The following SGPP1 variants were observed in gnomAD, a reference collection of about 807,000 sequenced individuals.
SGPP1 encodes hSPP1.
In SGPP1, 21 loss-of-function variants were observed where a neutral mutation model predicts 33.0. That is an observed-to-expected ratio of 0.64 (90% CI 0.45 to 0.92). SGPP1 has a LOEUF of 0.92. Ranked by LOEUF, SGPP1 falls within the 40% of genes least tolerant of loss-of-function variation. The probability of loss-of-function intolerance (pLI) is 0.00; values close to 1 mark genes in which losing one functional copy is unlikely to be tolerated. For missense variants in SGPP1, 543 were observed against 589.4 expected, an observed-to-expected ratio of 0.92 and a Z score of 0.81; for synonymous variants, 239 against 241.2, an observed-to-expected ratio of 0.99 and a Z score of 0.08.
At chr14:63,723,521 C>A (rs1885817781) in intron 1 of SGPP1, among the ~76,000 whole-genome samples, 2 of 151,996 alleles carry the variant, frequency 1.3e-5, no homozygotes, top group Non-Finnish European at 2.9e-5. Flanking sequence ...GAGATCGAGA[C>A]CATCCTGGCC....
chr14:63,692,942 AT>A (rs1371785396), intron 2 of SGPP1, among the ~76,000 whole-genome samples: 1 of 152,006 alleles, frequency 6.6e-6, no homozygotes, highest in Non-Finnish European at 1.5e-5. Flanking sequence ...TATTCTTCAT[AT>A]TTCTTTTTTT....
chr14:63,703,904 T>C (rs530737764), intron 1 of SGPP1, among the ~76,000 whole-genome samples: 1 of 144,036 alleles, frequency 6.9e-6, no homozygotes, highest in African/African-American at 2.6e-5. Context: ...TAGTTCACCA[T>C]AGCCTCCAAC....
At chr14:63,705,390 T>C (rs1485670587) in intron 1 of SGPP1, among the ~76,000 whole-genome samples, 1 of 150,938 alleles carries the variant, frequency 6.6e-6, no homozygotes, top group Non-Finnish European at 1.5e-5. Context: ...TATGCTCGCC[T>C]GGCATGGTGG....
At chr14:63,701,540 AG>A (rs1325461913) in intron 1 of SGPP1, among the ~76,000 whole-genome samples, 1 of 152,102 alleles carries the variant, frequency 6.6e-6, no homozygotes, top group African/African-American at 2.4e-5. Flanking sequence ...AGCATATACT[AG>A]GCAGGCGAAT....
intron 2 of SGPP1, among the ~76,000 whole-genome samples, chr14:63,696,889 G>A (rs1885197751): frequency 6.6e-6 from 1 of 152,074 alleles, no homozygotes; most frequent in Non-Finnish European, 1.5e-5. Flanking sequence ...AGGAGGTTGA[G>A]GCACAAGAAT....
rs1028498883 is a variant in SGPP1, at chr14:63,686,210, C to T, written c.1221G>A (p.Gln407=). ...GATAAGGAAGTTCAACTTCCATGTG[C>T]TGTCTTGCTTTTCGAATATCATCAC... is the stretch of plus-strand genomic sequence containing the variant. ...IPCDDIRKAR[Q]HMEVELPYRY... The change falls in exon 3 of 3, where the codon CAG becomes CAA. Residue 407 remains glutamine (Q), a synonymous_variant. Transcript: ENST00000247225. The T allele has an allele frequency of 1.9e-6, 3 of 1,613,990 alleles. No individual in the cohort carries two copies. The highest frequency in any genetic ancestry group is 8.5e-7 in the Non-Finnish European group (1 of 1,179,908).
intron 2 of SGPP1, among the ~76,000 whole-genome samples, chr14:63,689,797 A>C (rs1885056598): frequency 7.2e-6 from 1 of 139,568 alleles, no homozygotes; most frequent in South Asian, 2.2e-4. Flanking sequence ...ACTCTGTCTC[A>C]AAAAAAAAAA....
At chr14:63,727,114 G>A (rs1885897804) in intron 1 of SGPP1, 147 bp downstream of exon 1, 3 of 1,337,840 alleles carry the variant, frequency 2.2e-6, no homozygotes, top group Admixed American at 6.4e-5. Flanking sequence ...TCAAAACCCA[G>A]AAAGGGCCTG....
At chr14:63,693,286 T>C (rs186153899) in intron 2 of SGPP1, among the ~76,000 whole-genome samples, 1 of 152,374 alleles carries the variant, frequency 6.6e-6, no homozygotes. Context: ...CTTATGAGGT[T>C]ACATTCCCTT....
In SGPP1 at chr14:63,686,632, T is replaced by C. The variant is rs1411433057; in HGVS notation, c.799A>G (p.Thr267Ala). 9 of 1,609,364 alleles carry C rather than the reference T, an allele frequency of 5.6e-6. No individual in the cohort carries two copies. The highest frequency in any genetic ancestry group is 1.7e-4 in the Middle Eastern group (1 of 6,056). Residue 267 changes from threonine to alanine, a missense_variant, in exon 3 of 3, where the codon ACC becomes GCC. By Grantham distance (58) the Thr-to-Ala change is moderately conservative (BLOSUM62 0). Coordinates refer to ENST00000247225, the MANE Select transcript of SGPP1 (RefSeq NM_030791.4). ...TAGAAGACAGCTAAGATTAAAATGG[T>C]ATATAGGAATCCAGCAATAATATCC... ...ILDIIAGFLY[T>A]ILILAVFYPF...
intron 1 of SGPP1, among the ~76,000 whole-genome samples, chr14:63,703,611 C>A (rs1256866592): frequency 6.8e-6 from 1 of 147,868 alleles, no homozygotes; most frequent in Admixed American, 6.8e-5. Flanking sequence ...TGAGATTGCA[C>A]CCCGGCACTC....
intron 1 of SGPP1, among the ~76,000 whole-genome samples, chr14:63,703,826 C>T (rs559925794): frequency 3.9e-3 from 261 of 67,682 alleles, no homozygotes; most frequent in Non-Finnish European, 5.9e-3. Context: ...TTTTTTTTGG[C>T]GGCAGGTGGG....
At chr14:63,713,177 C>T (rs1267293698) in intron 1 of SGPP1, among the ~76,000 whole-genome samples, 2 of 152,154 alleles carry the variant, frequency 1.3e-5, no homozygotes, top group South Asian at 2.1e-4. Context: ...ACTTCAAACT[C>T]GAAATACCTA....
At chr14:63,702,979 A>G (rs1436422274) in intron 1 of SGPP1, among the ~76,000 whole-genome samples, 1 of 152,190 alleles carries the variant, frequency 6.6e-6, no homozygotes, top group African/African-American at 2.4e-5. Flanking sequence ...AACAGTATAT[A>G]TAGCGTTGAC....
At chr14:63,709,850 C>T (rs1885487767) in intron 1 of SGPP1, among the ~76,000 whole-genome samples, 1 of 151,938 alleles carries the variant, frequency 6.6e-6, no homozygotes, top group Non-Finnish European at 1.5e-5. Flanking sequence ...CTAAACGTTT[C>T]CCTCAATTAT....
At chr14:63,699,284 A>G (rs752652668) in intron 1 of SGPP1, among the ~76,000 whole-genome samples, 2 of 152,224 alleles carry the variant, frequency 1.3e-5, no homozygotes, top group Non-Finnish European at 2.9e-5. Flanking sequence ...AAGTGCAGAC[A>G]ATTCTTGGTA....
At chr14:63,687,816 C>T (rs985959947) in intron 2 of SGPP1, among the ~76,000 whole-genome samples, 9 of 152,106 alleles carry the variant, frequency 5.9e-5, no homozygotes, top group Non-Finnish European at 1.2e-4. Context: ...AGGGAGACTT[C>T]GTCTCTTAAG....
intron 2 of SGPP1, among the ~76,000 whole-genome samples, chr14:63,688,249 G>A (rs772514584): frequency 5.4e-5 from 8 of 148,308 alleles, no homozygotes; most frequent in East Asian, 3.9e-4. Flanking sequence ...CCGGGAGGCC[G>A]AGGTTGCAGT....
chr14:63,687,036 A>C (rs377143876), intron 2 of SGPP1, among the ~76,000 whole-genome samples: 2 of 152,234 alleles, frequency 1.3e-5, no homozygotes, highest in African/African-American at 4.8e-5. Context: ...CCATGACCAC[A>C]CAGGATATAC....
Sources: allele counts gnomAD v4.1 joint callset (sites outside exome capture counted in the v4.1 genomes callset), GRCh38; gene constraint gnomAD v4.1.1; transcripts MANE v1.5; gene names NCBI Gene and HGNC (gene_info 2026-07-23, HGNC 2026-07-21).